The following CSNK1G1 variants were observed in gnomAD, a reference collection of about 807,000 sequenced individuals.
CSNK1G1 encodes casein kinase 1 gamma 1, also known as casein kinase I isoform gamma-1.
A neutral mutation model predicts 59.6 loss-of-function variants in CSNK1G1; 22 were observed. That is an observed-to-expected ratio of 0.37 (90% CI 0.26 to 0.53). The LOEUF (loss-of-function observed/expected upper bound fraction) is 0.53. Ranked by LOEUF, CSNK1G1 falls within the 20% of genes least tolerant of loss-of-function variation. The probability of loss-of-function intolerance (pLI) is 0.89; values close to 1 mark genes in which losing one functional copy is unlikely to be tolerated. For missense variants in CSNK1G1, 384 were observed against 519.5 expected, an observed-to-expected ratio of 0.74 and a Z score of 2.54; for synonymous variants, 179 against 177.1, an observed-to-expected ratio of 1.01 and a Z score of -0.08.
chr15:64,304,697 T>C (rs372476852), intron 1 of CSNK1G1, among the ~76,000 whole-genome samples: 1 of 152,228 alleles, frequency 6.6e-6, no homozygotes, highest in East Asian at 1.9e-4. Flanking sequence ...TTTCAGATTC[T>C]CATATATTGG....
intron 1 of CSNK1G1, among the ~76,000 whole-genome samples, chr15:64,322,716 C>G (rs1056096309): frequency 2.0e-5 from 3 of 152,022 alleles, no homozygotes; most frequent in Non-Finnish European, 4.4e-5. Context: ...ATCTGTAGTC[C>G]CAGCTACTCA....
In CSNK1G1 at chr15:64,188,587, T is replaced by C. The variant is rs181679734; in HGVS notation, c.1108-8133A>G. 2.2e-3 allele frequency: 1,905 copies of C among 863,878 alleles called. 3 individuals are homozygous for C. The highest frequency in any genetic ancestry group is 3.0e-3 in the Non-Finnish European group (1,694 of 562,270). 53.5% of individuals were successfully genotyped at this position (863,878 alleles called of 1,614,324 possible). A position where few individuals can be genotyped will look rare whatever the true frequency, so the allele number is the denominator to read the frequency against. On this transcript the variant is annotated intron_variant, in intron 10 of 11. Coordinates refer to ENST00000303052, the MANE Select transcript of CSNK1G1 (RefSeq NM_022048.5). The surrounding 1 kb of genome is among the most constrained non-coding windows in gnomAD (Gnocchi z 4.2). ...GTACATTCGTGTCCCTGTAGGTTTTTCTTTCGGTTTTGGATTTTAAACTAA... is the reference window on the plus strand; with the variant it reads ...GTACATTCGTGTCCCTGTAGGTTTTCCTTTCGGTTTTGGATTTTAAACTAA...
chr15:64,218,101 CCACACCAG>C (rs1469580600), intron 4 of CSNK1G1, among the ~76,000 whole-genome samples: 1 of 151,950 alleles, frequency 6.6e-6, no homozygotes, highest in Non-Finnish European at 1.5e-5. Flanking sequence ...GCTCGCTCTA[CCACACCAG>C]ACTAAATTTT....
chr15:64,209,678 A>G (rs1268598771), intron 6 of CSNK1G1, among the ~76,000 whole-genome samples: 1 of 152,302 alleles, frequency 6.6e-6, no homozygotes, highest in East Asian at 1.9e-4. Flanking sequence ...TTATACAAAA[A>G]CAGTTTGTTG....
At chr15:64,322,008 T>C (rs1249743786) in intron 1 of CSNK1G1, among the ~76,000 whole-genome samples, 1 of 152,206 alleles carries the variant, frequency 6.6e-6, no homozygotes, top group African/African-American at 2.4e-5. Flanking sequence ...TTCTTTTTTC[T>C]TAACTAAATT....
At chr15:64,320,678 C>CAAA (rs1031206646) in intron 1 of CSNK1G1, among the ~76,000 whole-genome samples, 2 of 43,124 alleles carry the variant, frequency 4.6e-5, no homozygotes, top group African/African-American at 1.6e-4. Context: ...GGCTCCATCA[C>CAAA]AAAAAAAAAA....
intron 1 of CSNK1G1, among the ~76,000 whole-genome samples, chr15:64,309,297 C>T (rs947450038): frequency 7.6e-6 from 1 of 132,298 alleles, no homozygotes; most frequent in African/African-American, 2.8e-5. Context: ...TTCTCAAATA[C>T]TTAGTGAATA....
At chr15:64,317,033 C>A (rs2140432417) in intron 1 of CSNK1G1, 1 of 152,266 alleles carries the variant, frequency 6.6e-6, no homozygotes, top group South Asian at 2.1e-4. Flanking sequence ...TGCGGCTTGT[C>A]CTGCTACATC....
At chr15:64,336,480 G>A (rs1897394862) in intron 1 of CSNK1G1, among the ~76,000 whole-genome samples, 1 of 152,142 alleles carries the variant, frequency 6.6e-6, no homozygotes, top group African/African-American at 2.4e-5. Context: ...AATTTTGGCA[G>A]GTCCTGTGCT....
chr15:64,321,092 A>G (rs1896538032), intron 1 of CSNK1G1, among the ~76,000 whole-genome samples: 1 of 152,154 alleles, frequency 6.6e-6, no homozygotes, highest in Admixed American at 6.6e-5. Flanking sequence ...ACTATTGGTA[A>G]TAAGTTTAAT....
At chr15:64,340,397 T>C (rs572902049) in intron 1 of CSNK1G1, among the ~76,000 whole-genome samples, 1 of 152,336 alleles carries the variant, frequency 6.6e-6, no homozygotes, top group African/African-American at 2.4e-5. Context: ...AAAACATCTA[T>C]TCTAATATAA....
intron 1 of CSNK1G1, among the ~76,000 whole-genome samples, chr15:64,328,021 A>G (rs1300893883): frequency 1.8e-5 from 1 of 55,804 alleles, no homozygotes; most frequent in African/African-American, 7.6e-5. Flanking sequence ...ATATGGGACT[A>G]TGTGAAAAGA....
In CSNK1G1 at chr15:64,238,518, A is replaced by AAAAAAT. The variant is rs1555396879; in HGVS notation, c.292+12993_292+12994insATTTTT. Among the ~76,000 whole-genome samples, 71 of 49,228 alleles carry AAAAAAT rather than the reference A, an allele frequency of 1.4e-3. 2 individuals carry two copies. Among genetic ancestry groups the AAAAAAT allele is most frequent in the South Asian group, 3.2e-3 (2 of 620 alleles). The allele number at this position is 49,228 out of a possible 152,430, so 32.3% of individuals were successfully genotyped here. ...TTAAAAAAAAAAAAAAAAAAAAAAA[A>AAAAAAT]ATATATATATATATATATATATATA... On this transcript the variant is annotated intron_variant, in intron 4 of 11. Coordinates refer to ENST00000303052, the MANE Select transcript of CSNK1G1 (RefSeq NM_022048.5).
In CSNK1G1 at chr15:64,300,615, T is replaced by C; in HGVS notation, c.-116A>G. Reference sequence around the variant, plus strand: ...AGTCAGAGAAAGGTAAGGAGTTCTTTTAGCACCATATTTGTTTGTAATGTA... The same window carrying C: ...AGTCAGAGAAAGGTAAGGAGTTCTTCTAGCACCATATTTGTTTGTAATGTA... On this transcript the variant is annotated 5_prime_UTR_variant, in exon 2 of 12. The change abolishes the stop of an existing upstream ORF in the 5' untranslated region. Coordinates refer to ENST00000303052, the MANE Select transcript of CSNK1G1 (RefSeq NM_022048.5). 1.4e-6 allele frequency: 2 copies of C among 1,417,150 alleles called. No individual in the cohort carries two copies. Among genetic ancestry groups the C allele is most frequent in the Non-Finnish European group, 1.9e-6 (2 of 1,080,782 alleles). 87.8% of individuals were successfully genotyped at this position (1,417,150 alleles called of 1,614,324 possible).
intron 1 of CSNK1G1, among the ~76,000 whole-genome samples, chr15:64,343,990 C>G (rs948012312): frequency 2.0e-5 from 3 of 151,942 alleles, no homozygotes; most frequent in Admixed American, 2.0e-4. Flanking sequence ...CATGGTTCTG[C>G]AACAAACTCA....
intron 4 of CSNK1G1, among the ~76,000 whole-genome samples, chr15:64,245,178 G>A (rs935492492): frequency 6.6e-6 from 1 of 152,182 alleles, no homozygotes; most frequent in Non-Finnish European, 1.5e-5. Context: ...AATGCTTCAT[G>A]ACATTGGTCT....
intron 4 of CSNK1G1, among the ~76,000 whole-genome samples, chr15:64,228,807 G>C (rs1457016067): frequency 6.6e-6 from 1 of 152,082 alleles, no homozygotes; most frequent in Non-Finnish European, 1.5e-5. Flanking sequence ...CTTGTGCTCA[G>C]AAGTTCAACA....
Position 64,167,525 on chromosome 15 carries a change from T to G in CSNK1G1, c.*4406A>C, listed in dbSNP as rs2081616062. On this transcript the variant is annotated 3_prime_UTR_variant, in exon 12 of 12. Transcript: ENST00000303052. ...GGCCAATTCAGATGGGTTGCCTAAT[T>G]ATCCTGGCTCCCTGAGGGTTTCTGG... 6.6e-6 allele frequency: 1 copy of G among 152,628 alleles called. No individual in the cohort carries two copies. Among genetic ancestry groups the G allele is most frequent in the African/African-American group, 2.4e-5 (1 of 41,432 alleles). The allele number at this position is 152,628 out of a possible 1,614,324, so 9.5% of individuals were successfully genotyped here.
chr15:64,331,720 T>A (rs1402262073), intron 1 of CSNK1G1, among the ~76,000 whole-genome samples: 1 of 139,292 alleles, frequency 7.2e-6, no homozygotes, highest in African/African-American at 2.7e-5. Flanking sequence ...CAAAAGAAAC[T>A]ACCATCAGAG....
Sources: gnomAD v4.1 joint callset for allele counts (sites outside exome capture counted in the v4.1 genomes callset) on GRCh38, gnomAD v4.1.1 for gene constraint, Gnocchi (gnomAD v3.1) non-coding constraint, MANE v1.5 for transcripts, NCBI Gene and HGNC (gene_info 2026-07-23, HGNC 2026-07-21) for gene names.